The following BANK1 variants were observed in gnomAD, a reference collection of about 807,000 sequenced individuals.
BANK1 encodes the protein B-cell scaffold protein with ankyrin repeats.
In BANK1, 95 loss-of-function variants were observed where a neutral mutation model predicts 94.5. The ratio of observed to expected loss-of-function variants is 1.00; its 90% CI spans 0.85 to 1.19. BANK1 has a LOEUF of 1.19. Ranked by LOEUF, BANK1 falls within the 50% of genes most tolerant of loss-of-function variation. The pLI, the probability that BANK1 is intolerant of heterozygous loss-of-function variation, is 0.00. For missense variants in BANK1, 987 were observed against 932.2 expected, an observed-to-expected ratio of 1.06 and a Z score of -0.77; for synonymous variants, 334 against 308.4, an observed-to-expected ratio of 1.08 and a Z score of -0.87.
At chr4:101,906,265 G>A (rs1722444721) in intron 6 of BANK1, among the ~76,000 whole-genome samples, 1 of 152,194 alleles carries the variant, frequency 6.6e-6, no homozygotes, top group African/African-American at 2.4e-5. Context: ...GGTCCATACT[G>A]ATTTATAGCT....
chr4:101,832,235 G>A (rs1048946991), intron 2 of BANK1, among the ~76,000 whole-genome samples: 1 of 152,132 alleles, frequency 6.6e-6, no homozygotes, highest in African/African-American at 2.4e-5. Flanking sequence ...ATTTATAGTT[G>A]AAGTTTAGTG....
chr4:101,835,719 C>A (rs547081835), intron 2 of BANK1, among the ~76,000 whole-genome samples: 9 of 152,272 alleles, frequency 5.9e-5, no homozygotes, highest in African/African-American at 2.2e-4. Flanking sequence ...CTTCCTAGAA[C>A]TAGTCAGTGA....
intron 11 of BANK1, 99 bp downstream of exon 11, chr4:102,044,006 T>C (rs377308867): frequency 3.2e-6 from 2 of 628,184 alleles, no homozygotes; most frequent in East Asian, 2.6e-5. Flanking sequence ...AAGTATGTAA[T>C]TGTGTGCTTT....
chr4:102,071,364 T>A, intron 14 of BANK1, 60 bp downstream of exon 14: 1 of 1,488,576 alleles, frequency 6.7e-7, no homozygotes, highest in Non-Finnish European at 9.3e-7. Flanking sequence ...AGTAAATCAA[T>A]TTCAATATTA....
chr4:102,016,638 T>C (rs1000097459), intron 7 of BANK1, among the ~76,000 whole-genome samples: 4 of 152,196 alleles, frequency 2.6e-5, no homozygotes, highest in African/African-American at 9.6e-5. Flanking sequence ...CTGGAAGACC[T>C]GATTAACTAT....
intron 7 of BANK1, among the ~76,000 whole-genome samples, chr4:102,004,578 T>C (rs1726187070): frequency 6.6e-6 from 1 of 152,176 alleles, no homozygotes; most frequent in African/African-American, 2.4e-5. Flanking sequence ...GTGCCAGATG[T>C]AAGGATTTTA....
intron 7 of BANK1, among the ~76,000 whole-genome samples, chr4:102,021,086 T>C (rs1385655042): frequency 1.3e-5 from 2 of 152,128 alleles, no homozygotes; most frequent in East Asian, 3.8e-4. Flanking sequence ...ATAAACCACT[T>C]TATAATTTCA....
At chr4:101,856,204 T>A (rs900746056) in intron 3 of BANK1, among the ~76,000 whole-genome samples, 3 of 152,150 alleles carry the variant, frequency 2.0e-5, no homozygotes, top group African/African-American at 7.2e-5. Context: ...ACCCTCACTC[T>A]CTAGACCCTT....
intron 9 of BANK1, among the ~76,000 whole-genome samples, chr4:102,026,765 T>G (rs1397677452): frequency 1.4e-5 from 2 of 141,702 alleles, no homozygotes; most frequent in Non-Finnish European, 3.0e-5. Flanking sequence ...GAGGTTGCAG[T>G]GAGCCAAGAT....
chr4:101,794,471 A>G (rs1244754820), intron 1 of BANK1, among the ~76,000 whole-genome samples: 2 of 152,148 alleles, frequency 1.3e-5, no homozygotes, highest in Non-Finnish European at 2.9e-5. Context: ...TTCATAGAAT[A>G]TAGAGTATCT....
chr4:101,819,075 CATT>C (rs576936347), intron 1 of BANK1, among the ~76,000 whole-genome samples: 121 of 152,088 alleles, frequency 8.0e-4, no homozygotes, highest in African/African-American at 2.8e-3. Context: ...CCACTGGAAT[CATT>C]ATCATATATA....
At chr4:101,793,588 C>T (rs1158843055) in intron 1 of BANK1, among the ~76,000 whole-genome samples, 2 of 152,150 alleles carry the variant, frequency 1.3e-5, no homozygotes, top group Non-Finnish European at 2.9e-5. Context: ...GGTGGTTATG[C>T]CCTACTTATG....
intron 6 of BANK1, among the ~76,000 whole-genome samples, chr4:101,901,755 G>A (rs1217699589): frequency 4.8e-5 from 2 of 41,956 alleles, no homozygotes; most frequent in Non-Finnish European, 9.2e-5. Context: ...GACGCTTTTT[G>A]TTTTTTTGTT....
intron 11 of BANK1, among the ~76,000 whole-genome samples, chr4:102,056,213 A>G (rs950148314): frequency 6.6e-6 from 1 of 152,150 alleles, no homozygotes; most frequent in Non-Finnish European, 1.5e-5. Flanking sequence ...AGGAAAGGAG[A>G]TTGACACTAA....
intron 7 of BANK1, among the ~76,000 whole-genome samples, chr4:101,940,239 T>C (rs1013140622): frequency 7.4e-6 from 1 of 135,098 alleles, no homozygotes; most frequent in Non-Finnish European, 1.7e-5. Flanking sequence ...TCCCTTAACT[T>C]TTCTAAGCAG....
At chr4:101,829,568 C>T (rs1257253322) in intron 1 of BANK1, among the ~76,000 whole-genome samples, 4 of 151,526 alleles carry the variant, frequency 2.6e-5, no homozygotes, top group East Asian at 1.9e-4. Flanking sequence ...TGTTTTGGCT[C>T]GTTTCCTTAT....
intron 3 of BANK1, among the ~76,000 whole-genome samples, chr4:101,860,523 C>T (rs557136608): frequency 2.6e-5 from 4 of 152,084 alleles, no homozygotes; most frequent in East Asian, 1.9e-4. Context: ...TTCTGCCTCC[C>T]GGGCTCAAGC....
Position 102,025,457 on chromosome 4 carries a change from G to A in BANK1, c.1542G>A (p.Pro514=), listed in dbSNP as rs199703882. 38 of 1,613,976 alleles carry A rather than the reference G, an allele frequency of 2.4e-5. No individual in the cohort carries two copies. The East Asian group carries it at 2.9e-4, about 12-fold the overall frequency. The part of the protein sequence containing the change: ...LMSSRPPLPP[P]RPVANAFQLE... ...GCAGCAGACCTCCTCTCCCCCCGCC[G>A]CGACCTGTAGCTAATGCCTTCCAAC... The change falls in exon 9 of 17, where the codon CCG becomes CCA. Residue 514 remains proline (P), a synonymous_variant. Coordinates refer to ENST00000322953, the MANE Select transcript of BANK1 (RefSeq NM_017935.5).
intron 1 of BANK1, among the ~76,000 whole-genome samples, chr4:101,820,267 A>T (rs1442413188): frequency 1.3e-5 from 2 of 152,196 alleles, no homozygotes; most frequent in Non-Finnish European, 2.9e-5. Flanking sequence ...TTCCAAACTC[A>T]TGCTGATACA....
Sources: gnomAD v4.1 joint callset for allele counts (sites outside exome capture counted in the v4.1 genomes callset) on GRCh38, gnomAD v4.1.1 for gene constraint, MANE v1.5 for transcripts, NCBI Gene and HGNC (gene_info 2026-07-23, HGNC 2026-07-21) for gene names.